The following HIBADH variants were observed in gnomAD, a reference collection of about 807,000 sequenced individuals.
HIBADH encodes 3-hydroxyisobutyrate dehydrogenase, mitochondrial.
HIBADH carries 25 observed loss-of-function variants against 36.1 expected under a neutral mutation model. That is an observed-to-expected ratio of 0.69 (90% CI 0.50 to 0.97). HIBADH has a LOEUF of 0.97. Among genes scored for constraint, HIBADH ranks in the 50% least tolerant of loss-of-function variants. The pLI is 0.00. For missense variants in HIBADH, 421 were observed against 418.0 expected, an observed-to-expected ratio of 1.01 and a Z score of -0.06; for synonymous variants, 160 against 149.5, an observed-to-expected ratio of 1.07 and a Z score of -0.51.
At chr7:27,599,447 C>T (rs1280710498) in intron 4 of HIBADH, among the ~76,000 whole-genome samples, 1 of 152,002 alleles carries the variant, frequency 6.6e-6, no homozygotes, top group Non-Finnish European at 1.5e-5. Context: ...CTTTGGGAGG[C>T]CGAGGCGGGC....
chr7:27,662,739 C>G lies in HIBADH; in HGVS notation c.50G>C (p.Trp17Ser). ...LLGAASGLRY[W>S]SRRLRPAAGS... ...GGCTGCCGGCCGCAGCCGCCGGCTC[C>G]AGTACCGGAGACCGGAGGCAGCTCC... is the stretch of plus-strand genomic sequence containing the variant. The change falls in exon 1 of 8, where the codon TGG (tryptophan) becomes TCG (serine). Residue 17 changes from tryptophan to serine, a missense_variant. Trp to Ser is a radical substitution (Grantham distance 177). Transcript: ENST00000265395. 7.0e-7 allele frequency: 1 copy of G among 1,418,816 alleles called. No individual in the cohort carries two copies. The highest frequency in any genetic ancestry group is 9.2e-7 in the Non-Finnish European group (1 of 1,082,030). The allele number at this position is 1,418,816 out of a possible 1,614,324, so 87.9% of individuals were successfully genotyped here.
chr7:27,629,709 A>C (rs1209082197), intron 3 of HIBADH, among the ~76,000 whole-genome samples: 1 of 151,064 alleles, frequency 6.6e-6, no homozygotes, highest in African/African-American at 2.4e-5. Flanking sequence ...CAAAAGATCC[A>C]AAAAAAACCT....
intron 4 of HIBADH, among the ~76,000 whole-genome samples, chr7:27,622,305 A>G (rs1336728451): frequency 3.3e-5 from 5 of 152,194 alleles, no homozygotes; most frequent in African/African-American, 4.8e-5. Context: ...GGAACAAATG[A>G]AAACAGAAAC....
chr7:27,585,269 A>ATGTGTATGTATATGCACACACGTG (rs1784843795), intron 4 of HIBADH, among the ~76,000 whole-genome samples: 3 of 142,826 alleles, frequency 2.1e-5, no homozygotes, highest in Middle Eastern at 3.6e-3. Context: ...GTGTGTATGT[A>ATGTGTATGTATATGCACACACGTG]TGTGTATGTA....
intron 4 of HIBADH, among the ~76,000 whole-genome samples, chr7:27,559,796 C>A (rs540369885): frequency 6.6e-6 from 1 of 152,220 alleles, no homozygotes; most frequent in African/African-American, 2.4e-5. Flanking sequence ...AAAGTATATT[C>A]TCTATTTGTA....
chr7:27,601,558 A>T (rs1449009106), intron 4 of HIBADH, among the ~76,000 whole-genome samples: 2 of 152,094 alleles, frequency 1.3e-5, no homozygotes, highest in African/African-American at 4.8e-5. Context: ...AATTTTGGGT[A>T]TTTAAAAAGT....
chr7:27,604,644 A>G, intron 4 of HIBADH, among the ~76,000 whole-genome samples: 1 of 152,180 alleles, frequency 6.6e-6, no homozygotes, highest in East Asian at 1.9e-4. Context: ...CAAGTTTAAA[A>G]GTAAAAATTT....
chr7:27,600,426 C>T (rs534885272), intron 4 of HIBADH, among the ~76,000 whole-genome samples: 206 of 152,178 alleles, frequency 1.4e-3, no homozygotes, highest in African/African-American at 4.7e-3. Context: ...CAACCAACCA[C>T]AGGAAAAGAG....
intron 4 of HIBADH, among the ~76,000 whole-genome samples, chr7:27,548,137 T>G (rs891138732): frequency 6.6e-6 from 1 of 151,436 alleles, no homozygotes; most frequent in Admixed American, 6.6e-5. Flanking sequence ...ATAAGCCTTA[T>G]AGTGGAGAAG....
At chr7:27,617,227 T>G (rs1168117465) in intron 4 of HIBADH, among the ~76,000 whole-genome samples, 1 of 152,204 alleles carries the variant, frequency 6.6e-6, no homozygotes, top group Non-Finnish European at 1.5e-5. Flanking sequence ...ACACAAATAC[T>G]TACCATTGTG....
In HIBADH at chr7:27,602,597, T is replaced by C. The variant is rs550456238; in HGVS notation, c.484+26774A>G. Among the ~76,000 whole-genome samples the C allele has an allele frequency of 2.6e-5, 4 of 152,310 alleles. No homozygotes were observed. The South Asian group carries it at 6.2e-4, about 24-fold the overall frequency. ...TTAGTCTTTTAGTTTTTAGAAGCCA[T>C]GTTTAGAGCTAAGCTGATATACTAT... On this transcript the variant is annotated intron_variant, in intron 4 of 7. Coordinates refer to ENST00000265395, the MANE Select transcript of HIBADH (RefSeq NM_152740.4).
At chr7:27,574,095 A>AGTT (rs1294149668) in intron 4 of HIBADH, among the ~76,000 whole-genome samples, 1 of 152,210 alleles carries the variant, frequency 6.6e-6, no homozygotes, top group Non-Finnish European at 1.5e-5. Context: ...GAAATGAAAA[A>AGTT]GTTTGACTCC....
chr7:27,534,864 A>G (rs1343970791), intron 6 of HIBADH, among the ~76,000 whole-genome samples: 2 of 151,774 alleles, frequency 1.3e-5, no homozygotes, highest in Non-Finnish European at 2.9e-5. Flanking sequence ...AATAAGTTTT[A>G]TATGGATTAA....
At chr7:27,534,715 A>G (rs1007347889) in intron 6 of HIBADH, among the ~76,000 whole-genome samples, 7 of 152,072 alleles carry the variant, frequency 4.6e-5, no homozygotes, top group Non-Finnish European at 8.8e-5. Context: ...ACAGACAAAT[A>G]AATATGTAAT....
intron 4 of HIBADH, among the ~76,000 whole-genome samples, chr7:27,563,593 C>G (rs995915218): frequency 6.6e-6 from 1 of 152,224 alleles, no homozygotes; most frequent in Non-Finnish European, 1.5e-5. Context: ...TGTAGCCATT[C>G]TATAAATGAT....
At chr7:27,599,454 G>A (rs938098088) in intron 4 of HIBADH, among the ~76,000 whole-genome samples, 7 of 151,942 alleles carry the variant, frequency 4.6e-5, no homozygotes, top group South Asian at 2.1e-4. Flanking sequence ...AGGCCGAGGC[G>A]GGCTGATCAC....
intron 1 of HIBADH, among the ~76,000 whole-genome samples, chr7:27,654,738 G>C (rs890408112): frequency 6.6e-6 from 1 of 151,218 alleles, no homozygotes; most frequent in African/African-American, 2.4e-5. Flanking sequence ...GCCCAGGCTA[G>C]AGTGCAGTGG....
At chr7:27,635,725 A>G (rs923709951) in intron 2 of HIBADH, among the ~76,000 whole-genome samples, 1 of 152,212 alleles carries the variant, frequency 6.6e-6, no homozygotes, top group Non-Finnish European at 1.5e-5. Flanking sequence ...ACACCTCCAT[A>G]ACTGGGGATG....
chr7:27,582,386 A>T (rs1524531), intron 4 of HIBADH, among the ~76,000 whole-genome samples: 64,352 of 151,874 alleles, frequency 0.42, 14,508 homozygotes, highest in East Asian at 0.94. Flanking sequence ...GATGTTACAT[A>T]GCATATGGTA....
Sources: allele counts gnomAD v4.1 joint callset (sites outside exome capture counted in the v4.1 genomes callset), GRCh38; gene constraint gnomAD v4.1.1; transcripts MANE v1.5; gene names NCBI Gene and HGNC (gene_info 2026-07-23, HGNC 2026-07-21).